The following DNTT variants were observed in gnomAD, a reference collection of about 807,000 sequenced individuals.
DNTT encodes the protein DNA nucleotidylexotransferase, also known as nucleosidetriphosphate:DNA deoxynucleotidylexotransferase.
DNTT carries 47 observed loss-of-function variants against 60.9 expected under a neutral mutation model. The observed-to-expected ratio is 0.77, with a 90% CI of 0.61 to 0.98. DNTT has a LOEUF of 0.98. Among genes scored for constraint, DNTT ranks in the 50% least tolerant of loss-of-function variants. The pLI, the probability that DNTT is intolerant of heterozygous loss-of-function variation, is 0.00. For synonymous variants in DNTT, 224 were observed against 221.2 expected (o/e 1.01, Z -0.11); for missense variants, 665 against 627.5 (o/e 1.06, Z -0.64).
At chr10:96,327,688 C>G in intron 7 of DNTT, 88 bp downstream of exon 7, 1 of 1,523,704 alleles carries the variant, frequency 6.6e-7, no homozygotes, top group Non-Finnish European at 8.8e-7. Context: ...GCACAAAAGG[C>G]TGTGATCTGG....
intron 1 of DNTT, among the ~76,000 whole-genome samples, chr10:96,307,777 A>ATATAT (rs768634575): frequency 5.6e-5 from 7 of 126,032 alleles, no homozygotes; most frequent in African/African-American, 1.2e-4. Flanking sequence ...ATATATATAT[A>ATATAT]TTTTTTTTTT....
At chr10:96,317,641 T>G (rs545103449) in intron 1 of DNTT, among the ~76,000 whole-genome samples, 1 of 152,184 alleles carries the variant, frequency 6.6e-6, no homozygotes, top group East Asian at 1.9e-4. Context: ...AATGAGAAAT[T>G]AATGTCCTTA....
intron 6 of DNTT, among the ~76,000 whole-genome samples, chr10:96,324,894 C>G (rs1844922293): frequency 1.3e-5 from 2 of 152,272 alleles, no homozygotes; most frequent in Middle Eastern, 3.4e-3. Flanking sequence ...TGTGAAGATG[C>G]CCTAGAAACT....
rs1156839585 is a variant in DNTT, at chr10:96,328,746, T to C, written c.1029T>C (p.Asp343=). The C allele has an allele frequency of 3.1e-6, 5 of 1,613,842 alleles. No individual in the cohort carries two copies. The South Asian group carries it at 4.4e-5, about 14-fold the overall frequency. The part of the protein sequence containing the change: ...GFRRGKKMGH[D]VDFLITSPGS... ...TTAGGGGTAAGAAGATGGGGCATGA[T>C]GTAGATTTTTTAATTACCAGCCCAG... Residue 343 remains aspartate, a synonymous_variant, in exon 8 of 11, where the codon GAT becomes GAC. Coordinates refer to ENST00000371174, the MANE Select transcript of DNTT (RefSeq NM_004088.4).
intron 10 of DNTT, among the ~76,000 whole-genome samples, chr10:96,337,106 A>C (rs1845082358): frequency 1.3e-5 from 2 of 152,194 alleles, no homozygotes; most frequent in Admixed American, 1.3e-4. Flanking sequence ...CGAAGCGTTC[A>C]GGGGCAGCCG....
At position 96,304,612 on chromosome 10, in the gene DNTT, A is replaced by G; in HGVS notation, c.115A>G (p.Ile39Val). 1 of 1,614,150 alleles carries G rather than the reference A, an allele frequency of 6.2e-7. No individual in the cohort carries two copies. Among genetic ancestry groups the G allele is most frequent in the Non-Finnish European group, 8.5e-7 (1 of 1,180,012 alleles). The change falls in exon 1 of 11, where the codon ATT (isoleucine) becomes GTT (valine). Residue 39 changes from isoleucine (I) to valine (V), a missense_variant. Transcript: ENST00000371174. ...DIKFQDLVVF[I>V]LEKKMGTTRR... ...CAAATTTCAAGATTTGGTCGTCTTC[A>G]TTTTGGAGAAGAAAATGGGAACCAC...
At chr10:96,305,652 A>G (rs1844625043) in intron 1 of DNTT, among the ~76,000 whole-genome samples, 1 of 152,240 alleles carries the variant, frequency 6.6e-6, no homozygotes, top group Admixed American at 6.5e-5. Context: ...TTTATGTGAA[A>G]GGACATTTTG....
At position 96,304,717 on chromosome 10, in the gene DNTT, C is replaced by T. The variant is rs758325387; in HGVS notation, c.203+17C>T. On this transcript the variant is annotated intron_variant, in intron 1 of 10. Coordinates refer to ENST00000371174, the MANE Select transcript of DNTT (RefSeq NM_004088.4). ...TGAGCTCAGGTAGGACAGCATCGAT[C>T]TTGCTTTGTAAATAAGCAGAGGCTT... is the stretch of plus-strand genomic sequence containing the variant. The T allele has an allele frequency of 4.3e-6, 7 of 1,609,760 alleles. No individual in the cohort carries two copies. In the East Asian group the frequency reaches 1.1e-4, roughly 26 times the overall value.
At chr10:96,306,885 T>C (rs932572124) in intron 1 of DNTT, among the ~76,000 whole-genome samples, 5 of 152,330 alleles carry the variant, frequency 3.3e-5, no homozygotes, top group Non-Finnish European at 5.9e-5. Flanking sequence ...TTTCTGTGCA[T>C]AGATATATAG....
chr10:96,328,631 A>T, intron 7 of DNTT, 94 bp from the exon 8 acceptor site: 1 of 1,261,450 alleles, frequency 7.9e-7, no homozygotes, highest in Non-Finnish European at 1.1e-6. Context: ...TATGTTGCAA[A>T]TCTTAAGCAT....
intron 5 of DNTT, 95 bp downstream of exon 5, chr10:96,322,823 A>G: frequency 1.0e-6 from 1 of 976,528 alleles, no homozygotes; most frequent in Non-Finnish European, 1.5e-6. Context: ...GGCTGCAATA[A>G]CAAAATACAG....
At chr10:96,306,283 G>A (rs1050902464) in intron 1 of DNTT, among the ~76,000 whole-genome samples, 12 of 151,952 alleles carry the variant, frequency 7.9e-5, no homozygotes, top group Admixed American at 3.9e-4. Context: ...TAGTAGAGAC[G>A]GGGTTTCACT....
At chr10:96,326,321 T>C (rs1318623293) in intron 6 of DNTT, among the ~76,000 whole-genome samples, 1 of 152,224 alleles carries the variant, frequency 6.6e-6, no homozygotes, top group Non-Finnish European at 1.5e-5. Context: ...TGTGGCTTTT[T>C]AATAAAAATA....
chr10:96,319,203 T>C, intron 2 of DNTT, 59 bp from the exon 3 acceptor site: 1 of 1,577,786 alleles, frequency 6.3e-7, no homozygotes, highest in South Asian at 1.2e-5. Flanking sequence ...ATTTTTTCCG[T>C]ACATATCTGT....
chr10:96,312,601 C>G (rs932099867), intron 1 of DNTT, among the ~76,000 whole-genome samples: 3 of 152,174 alleles, frequency 2.0e-5, no homozygotes, highest in African/African-American at 4.8e-5. Context: ...CCCAGCCAAG[C>G]CTGCCTGAAG....
At chr10:96,323,972 T>G (rs1046664290) in intron 5 of DNTT, among the ~76,000 whole-genome samples, 1 of 152,188 alleles carries the variant, frequency 6.6e-6, no homozygotes, top group Admixed American at 6.5e-5. Flanking sequence ...GTATCACTCA[T>G]GGACAGCACA....
chr10:96,335,954 G>A lies in DNTT; in HGVS notation c.1423G>A (p.Ala475Thr). ...GCGGAAGATGATTCTGGATAACCATGCTTTATATGACAAGACCAAGGTACA... is the reference window on the plus strand; with the variant it reads ...GCGGAAGATGATTCTGGATAACCATACTTTATATGACAAGACCAAGGTACA... The part of the protein sequence containing the change: ...HERKMILDNH[A>T]LYDKTKRIFL... The change falls in exon 10 of 11, where the codon GCT (alanine) becomes ACT (threonine). Residue 475 changes from alanine to threonine, a missense_variant. By Grantham distance (58) the Ala-to-Thr change is moderately conservative. Coordinates refer to ENST00000371174, the MANE Select transcript of DNTT (RefSeq NM_004088.4). 1 of 1,614,196 alleles carries A rather than the reference G, an allele frequency of 6.2e-7. No individual in the cohort carries two copies. The highest frequency in any genetic ancestry group is 8.5e-7 in the Non-Finnish European group (1 of 1,180,012).
rs1369544396 is a variant in DNTT, at chr10:96,320,610, T to A, written c.508-8T>A. On this transcript the variant is annotated splice_region_variant and splice_polypyrimidine_tract_variant and intron_variant, in intron 3 of 10. Coordinates refer to ENST00000371174, the MANE Select transcript of DNTT (RefSeq NM_004088.4). Reference sequence around the variant, plus strand: ...CAAATCTCCTGCTTATCTGGTTTTATCCTGCAGGATGCCTTTGATATACTG... The same window carrying A: ...CAAATCTCCTGCTTATCTGGTTTTAACCTGCAGGATGCCTTTGATATACTG... 1.2e-6 allele frequency: 2 copies of A among 1,613,248 alleles called. No individual in the cohort carries two copies. Among genetic ancestry groups the A allele is most frequent in the Non-Finnish European group, 1.7e-6 (2 of 1,179,512 alleles).
Position 96,328,713 on chromosome 10 carries a change from T to A in DNTT, c.1008-12T>A. 1 of 1,608,486 alleles carries A rather than the reference T, an allele frequency of 6.2e-7. No individual in the cohort carries two copies. The highest frequency in any genetic ancestry group is 8.5e-7 in the Non-Finnish European group (1 of 1,178,290). On this transcript the variant is annotated splice_polypyrimidine_tract_variant and intron_variant, in intron 7 of 10. Coordinates refer to ENST00000371174, the MANE Select transcript of DNTT (RefSeq NM_004088.4). The stretch of plus-strand genomic sequence containing the variant: ...TAATTGATTTCCATTTTATACTGCT[T>A]TTGAAAATTAGGGGTAAGAAGATGG...
Sources: gnomAD v4.1 joint callset for allele counts (sites outside exome capture counted in the v4.1 genomes callset) on GRCh38, gnomAD v4.1.1 for gene constraint, MANE v1.5 for transcripts, NCBI Gene and HGNC (gene_info 2026-07-23, HGNC 2026-07-21) for gene names.